Variants in USP38 observed in about 807,000 individuals in gnomAD.
The protein encoded by USP38 is ubiquitin carboxyl-terminal hydrolase 38.
USP38 carries 49 observed loss-of-function variants against 94.3 expected under a neutral mutation model. That is an observed-to-expected ratio of 0.52 (90% CI 0.41 to 0.66). The LOEUF (loss-of-function observed/expected upper bound fraction) is 0.66. USP38 is among the 30% of genes least tolerant of loss of function. The pLI, the probability that USP38 is intolerant of heterozygous loss-of-function variation, is 0.00. For missense variants in USP38, 1,128 were observed against 1,229.4 expected (o/e 0.92, Z 1.23); for synonymous variants, 468 against 463.6 (o/e 1.01, Z -0.12).
rs1362518399 is a variant in USP38 at position 143,222,159 on chromosome 4, C to G, written c.*1703C>G. 1 of 152,040 alleles carries G rather than the reference C, an allele frequency of 6.6e-6. No homozygotes were observed. 9.4% of individuals were successfully genotyped at this position (152,040 alleles called of 1,614,324 possible). Reference sequence around the variant, plus strand: ...GATAGATTGATATTGGGCTAAGATGCTTCTAGGAACTTTCATAAAAGCAAT... The same window carrying G: ...GATAGATTGATATTGGGCTAAGATGGTTCTAGGAACTTTCATAAAAGCAAT... On this transcript the variant is annotated 3_prime_UTR_variant, in exon 10 of 10. Transcript: ENST00000307017.
intron 9 of USP38, among the ~76,000 whole-genome samples, chr4:143,219,204 A>G (rs1470607574): frequency 6.6e-6 from 1 of 152,098 alleles, no homozygotes; most frequent in Admixed American, 6.6e-5. Flanking sequence ...CCTTTCAGCC[A>G]TAAAAATAGG....
intron 6 of USP38, among the ~76,000 whole-genome samples, chr4:143,207,323 A>G (rs1052750615): frequency 1.3e-5 from 2 of 152,210 alleles, no homozygotes; most frequent in Admixed American, 1.3e-4. Flanking sequence ...GTGGATCATG[A>G]GGTCAGGAAT....
intron 7 of USP38, among the ~76,000 whole-genome samples, chr4:143,210,412 C>T (rs1434940408): frequency 6.6e-6 from 1 of 152,004 alleles, no homozygotes; most frequent in African/African-American, 2.4e-5. Context: ...CATTGTGAAA[C>T]CCCATCTCTA....
chr4:143,185,408 C>T lies in USP38; in HGVS notation c.-43C>T, dbSNP rs923210939. 1.3e-6 allele frequency: 2 copies of T among 1,524,808 alleles called. No homozygotes were observed. Among genetic ancestry groups the T allele is most frequent in the Non-Finnish European group, 1.8e-6 (2 of 1,136,094 alleles). The allele number at this position is 1,524,808 out of a possible 1,614,324, so 94.5% of individuals were successfully genotyped here. On this transcript the variant is annotated 5_prime_UTR_variant, in exon 1 of 10. Coordinates refer to ENST00000307017, the MANE Select transcript of USP38 (RefSeq NM_032557.6). ...CTGCCCCACCTCGGGGCTGCCGCCACCCGCTCCTTATCCCCTGGCCCTGGC... is the reference window on the plus strand; with the variant it reads ...CTGCCCCACCTCGGGGCTGCCGCCATCCGCTCCTTATCCCCTGGCCCTGGC...
intron 2 of USP38, 113 bp downstream of exon 2, chr4:143,188,074 G>A (rs1731281175): frequency 1.3e-5 from 16 of 1,247,696 alleles, no homozygotes; most frequent in Middle Eastern, 2.1e-4. Flanking sequence ...ATCATGGAAT[G>A]ACATATGTAA....
Position 143,213,684 on chromosome 4 carries a change from G to A in USP38, c.1708G>A (p.Ala570Thr), listed in dbSNP as rs1422264075. The A allele has an allele frequency of 6.2e-7, 1 of 1,613,508 alleles. No homozygotes were observed. The highest frequency in any genetic ancestry group is 2.2e-5 in the East Asian group (1 of 44,820). ...TTTACAGGAAGTAGCTAGTAAAGCA[G>A]CAGTACTAACAGAGACCCCTCGTAC... Reference protein sequence around the residue: ...TSLQEVASKAAVLTETPRTSD... With the variant: ...TSLQEVASKATVLTETPRTSD... The change falls in exon 9 of 10, where the codon GCA becomes ACA. Residue 570 changes from alanine (A) to threonine (T), a missense_variant. Transcript: ENST00000307017.
intron 2 of USP38, among the ~76,000 whole-genome samples, chr4:143,188,589 A>T (rs2149603496): frequency 6.6e-6 from 1 of 152,086 alleles, no homozygotes; most frequent in South Asian, 2.1e-4. Context: ...TTTATCCTTG[A>T]TGTTCTGTAA....
At chr4:143,216,476 CA>C (rs1732184800) in intron 9 of USP38, among the ~76,000 whole-genome samples, 1 of 146,808 alleles carries the variant, frequency 6.8e-6, no homozygotes, top group Non-Finnish European at 1.5e-5. Context: ...AATAAATATT[CA>C]ATTTTTTTTT....
chr4:143,219,166 A>AG (rs758632818), intron 9 of USP38, among the ~76,000 whole-genome samples: 16 of 152,108 alleles, frequency 1.1e-4, no homozygotes, highest in Non-Finnish European at 1.6e-4. Flanking sequence ...TAGTTAAGCC[A>AG]TTTTGTTACA....
Position 143,185,383 on chromosome 4 carries a change from C to G in USP38, c.-68C>G, listed in dbSNP as rs1254939407. On this transcript the variant is annotated 5_prime_UTR_variant, in exon 1 of 10. Coordinates refer to ENST00000307017, the MANE Select transcript of USP38 (RefSeq NM_032557.6). ...AGTTCATCTCCGCCCCGGGGCTCTC[C>G]TGCCCCACCTCGGGGCTGCCGCCAC... 14 of 1,497,198 alleles carry G rather than the reference C, an allele frequency of 9.4e-6. No homozygotes were observed. The highest frequency in any genetic ancestry group is 6.7e-5 in the Admixed American group (3 of 44,614). 92.7% of individuals were successfully genotyped at this position (1,497,198 alleles called of 1,614,324 possible). A position where few individuals can be genotyped will look rare whatever the true frequency, so the allele number is the denominator to read the frequency against.
intron 4 of USP38, among the ~76,000 whole-genome samples, chr4:143,202,428 A>C (rs544196677): frequency 1.3e-5 from 2 of 152,260 alleles, no homozygotes; most frequent in South Asian, 4.1e-4. Flanking sequence ...CCTAATAGTT[A>C]TAACTTTTTT....
intron 2 of USP38, among the ~76,000 whole-genome samples, chr4:143,189,958 T>G (rs1450901916): frequency 6.6e-6 from 1 of 152,104 alleles, no homozygotes; most frequent in Non-Finnish European, 1.5e-5. Flanking sequence ...TATCATCACT[T>G]TATCAGTTCT....
At chr4:143,209,759 T>A in intron 7 of USP38, 102 bp downstream of exon 7, 1 of 661,638 alleles carries the variant, frequency 1.5e-6, no homozygotes, top group Non-Finnish European at 2.5e-6. Context: ...AATAATATAA[T>A]AGATATCTCA....
chr4:143,191,517 G>A (rs932885221), intron 2 of USP38, among the ~76,000 whole-genome samples: 3 of 152,326 alleles, frequency 2.0e-5, no homozygotes, highest in African/African-American at 7.2e-5. Flanking sequence ...AAGCTGCCAT[G>A]TAAAAATGGA....
At chr4:143,218,320 C>A (rs73850691) in intron 9 of USP38, among the ~76,000 whole-genome samples, 4,372 of 152,058 alleles carry the variant, frequency 0.029, 191 homozygotes, top group African/African-American at 0.1. Flanking sequence ...GTGACTAGAT[C>A]TATAGTCTAC....
rs768913524 is a variant in USP38, at chr4:143,185,684, C to G, written c.234C>G (p.Ser78=). The G allele has an allele frequency of 1.2e-6, 2 of 1,614,054 alleles. No homozygotes were observed. Among genetic ancestry groups the G allele is most frequent in the Non-Finnish European group, 1.7e-6 (2 of 1,180,038 alleles). Residue 78 remains serine, a synonymous_variant, in exon 1 of 10, where the codon TCC becomes TCG. Coordinates refer to ENST00000307017, the MANE Select transcript of USP38 (RefSeq NM_032557.6). ...YARYHRPEFE[S]FFNKTFVLGL... ...GATACCACCGGCCAGAGTTCGAGTCCTTCTTCAACAAGACCTTCGTGTTGG... is the reference window on the plus strand; with the variant it reads ...GATACCACCGGCCAGAGTTCGAGTCGTTCTTCAACAAGACCTTCGTGTTGG...
At chr4:143,199,222 T>A (rs542596847) in intron 4 of USP38, among the ~76,000 whole-genome samples, 1 of 152,204 alleles carries the variant, frequency 6.6e-6, no homozygotes, top group African/African-American at 2.4e-5. Flanking sequence ...CGCTTATAAG[T>A]GAAAACATGG....
intron 2 of USP38, among the ~76,000 whole-genome samples, chr4:143,193,119 C>T (rs1301556427): frequency 6.6e-6 from 1 of 152,022 alleles, no homozygotes; most frequent in East Asian, 1.9e-4. Flanking sequence ...TCACACATAC[C>T]CTGCCTTTAG....
intron 2 of USP38, among the ~76,000 whole-genome samples, chr4:143,189,047 G>A (rs1731316654): frequency 6.6e-6 from 1 of 151,988 alleles, no homozygotes; most frequent in African/African-American, 2.4e-5. Context: ...CAGACAAAAA[G>A]AGGGATAGGA....
Sources: allele counts gnomAD v4.1 joint callset (sites outside exome capture counted in the v4.1 genomes callset), GRCh38; gene constraint gnomAD v4.1.1; transcripts MANE v1.5; gene names NCBI Gene and HGNC (gene_info 2026-07-23, HGNC 2026-07-21).